Variants in DOK6 observed in about 807,000 individuals in gnomAD.
The protein encoded by DOK6 is docking protein 6, also known as downstream of tyrosine kinase 6.
DOK6 carries 22 observed loss-of-function variants against 44.0 expected under a neutral mutation model. That is an observed-to-expected ratio of 0.50 (90% CI 0.36 to 0.71). The LOEUF (loss-of-function observed/expected upper bound fraction) is 0.71, where lower values mean the gene tolerates loss of function less well. Ranked by LOEUF, DOK6 falls within the 30% of genes least tolerant of loss-of-function variation. DOK6 has a pLI of 0.00. For synonymous variants in DOK6, 166 were observed against 145.5 expected, an observed-to-expected ratio of 1.14 and a Z score of -1.01; for missense variants, 340 against 416.4, an observed-to-expected ratio of 0.82 and a Z score of 1.60.
chr18:69,641,091 C>A, intron 3 of DOK6, among the ~76,000 whole-genome samples: 1 of 151,980 alleles, frequency 6.6e-6, no homozygotes, highest in Non-Finnish European at 1.5e-5. Context: ...TGACACGTGC[C>A]TGTAGTCCCA....
chr18:69,549,971 C>T (rs1982517449), intron 1 of DOK6, among the ~76,000 whole-genome samples: 1 of 150,238 alleles, frequency 6.7e-6, no homozygotes, highest in Non-Finnish European at 1.5e-5. Context: ...TAGCTATATC[C>T]AGTTTTAATA....
chr18:69,507,804 C>A (rs527818575), intron 1 of DOK6, among the ~76,000 whole-genome samples: 189 of 152,104 alleles, frequency 1.2e-3, no homozygotes, highest in Admixed American at 2.2e-3. Context: ...AGATAAAATC[C>A]TATGTCTTCC....
At chr18:69,445,460 C>T (rs752589566) in intron 1 of DOK6, among the ~76,000 whole-genome samples, 2 of 152,120 alleles carry the variant, frequency 1.3e-5, no homozygotes, top group Non-Finnish European at 2.9e-5. Flanking sequence ...TGAGGAAATT[C>T]CCTTCTCTTC....
At chr18:69,658,659 C>T (rs553946393) in intron 3 of DOK6, among the ~76,000 whole-genome samples, 48 of 152,262 alleles carry the variant, frequency 3.2e-4, no homozygotes, top group Admixed American at 1.9e-3. Context: ...CTGCCAGTAG[C>T]AGTTCGCTGT....
chr18:69,412,099 A>AAT (rs1978308799), intron 1 of DOK6, among the ~76,000 whole-genome samples: 1 of 152,116 alleles, frequency 6.6e-6, no homozygotes, highest in Non-Finnish European at 1.5e-5. Flanking sequence ...GATGCCTTCG[A>AAT]ATATATATAC....
At chr18:69,616,010 G>A (rs1984276033) in intron 3 of DOK6, among the ~76,000 whole-genome samples, 1 of 152,142 alleles carries the variant, frequency 6.6e-6, no homozygotes, top group Admixed American at 6.5e-5. Flanking sequence ...AAACATATTG[G>A]CTGCTAAACA....
chr18:69,645,366 C>A (rs1048504932), intron 3 of DOK6, among the ~76,000 whole-genome samples: 12 of 152,058 alleles, frequency 7.9e-5, no homozygotes, highest in African/African-American at 2.9e-4. Flanking sequence ...ATCATGTGTC[C>A]TTTTTAGAGT....
intron 1 of DOK6, among the ~76,000 whole-genome samples, chr18:69,428,679 C>T (rs1037432245): frequency 6.6e-6 from 1 of 152,102 alleles, no homozygotes; most frequent in Non-Finnish European, 1.5e-5. Flanking sequence ...ATAATAAAAT[C>T]CAAATAGCTT....
At chr18:69,646,298 T>C (rs1985071168) in intron 3 of DOK6, among the ~76,000 whole-genome samples, 1 of 152,180 alleles carries the variant, frequency 6.6e-6, no homozygotes, top group Non-Finnish European at 1.5e-5. Flanking sequence ...TTCCATATCT[T>C]TTCTAAGTTT....
chr18:69,562,099 T>G (rs1218462303), intron 1 of DOK6, among the ~76,000 whole-genome samples: 2 of 152,212 alleles, frequency 1.3e-5, no homozygotes, highest in African/African-American at 2.4e-5. Flanking sequence ...TTTTTAGACT[T>G]CTTCAATTAT....
At chr18:69,704,583 A>G (rs1197119599) in intron 5 of DOK6, among the ~76,000 whole-genome samples, 1 of 143,590 alleles carries the variant, frequency 7.0e-6, no homozygotes, top group Non-Finnish European at 1.5e-5. Context: ...GGTTCACTCC[A>G]TTCTCCTGCC....
At chr18:69,803,767 A>G (rs1599334130) in intron 7 of DOK6, among the ~76,000 whole-genome samples, 1 of 151,998 alleles carries the variant, frequency 6.6e-6, no homozygotes, top group Non-Finnish European at 1.5e-5. Flanking sequence ...GCTGAGGCAG[A>G]AGAATCACTT....
At chr18:69,616,273 C>A (rs1220854464) in intron 3 of DOK6, among the ~76,000 whole-genome samples, 1 of 152,170 alleles carries the variant, frequency 6.6e-6, no homozygotes, top group African/African-American at 2.4e-5. Flanking sequence ...CCACTCATGA[C>A]TGTCTGCTCT....
At chr18:69,425,757 T>G (rs1006821615) in intron 1 of DOK6, among the ~76,000 whole-genome samples, 4 of 152,050 alleles carry the variant, frequency 2.6e-5, no homozygotes, top group Non-Finnish European at 5.9e-5. Flanking sequence ...TATAAACTGG[T>G]AAACATATGC....
chr18:69,440,035 T>A (rs1979093452), intron 1 of DOK6, among the ~76,000 whole-genome samples: 1 of 152,194 alleles, frequency 6.6e-6, no homozygotes, highest in African/African-American at 2.4e-5. Context: ...TGCCACTCTT[T>A]GTTTCACTTG....
At chr18:69,651,847 T>G (rs1422004968) in intron 3 of DOK6, among the ~76,000 whole-genome samples, 1 of 152,140 alleles carries the variant, frequency 6.6e-6, no homozygotes, top group Non-Finnish European at 1.5e-5. Context: ...CTGTTAAACA[T>G]CTCTCTGACC....
chr18:69,783,151 A>G (rs1292441257), intron 7 of DOK6, among the ~76,000 whole-genome samples: 1 of 152,236 alleles, frequency 6.6e-6, no homozygotes, highest in Non-Finnish European at 1.5e-5. Context: ...GAGAGAGCAG[A>G]CAGCTCCTAC....
chr18:69,575,009 T>C (rs1415869791), intron 2 of DOK6, among the ~76,000 whole-genome samples: 1 of 152,108 alleles, frequency 6.6e-6, no homozygotes, highest in Non-Finnish European at 1.5e-5. Context: ...ACTTAATGGA[T>C]ACAGTGTACA....
chr18:69,715,131 A>G (rs143787908), intron 5 of DOK6, among the ~76,000 whole-genome samples: 1 of 152,302 alleles, frequency 6.6e-6, no homozygotes, highest in Non-Finnish European at 1.5e-5. Flanking sequence ...TAAAATCTAC[A>G]AGACAAATCG....
Sources: gnomAD v4.1 joint callset for allele counts (sites outside exome capture counted in the v4.1 genomes callset) on GRCh38, gnomAD v4.1.1 for gene constraint, MANE v1.5 for transcripts, NCBI Gene and HGNC (gene_info 2026-07-23, HGNC 2026-07-21) for gene names.